HEMK2: variants seen among roughly 807,000 people sequenced by gnomAD.
HEMK2 encodes HemK methyltransferase 2, ETF1 glutamine and histone H4 lysine.
chr21:28,679,491 C>T, the HEMK2 span, among the ~76,000 whole-genome samples: 3 of 152,106 alleles, frequency 2.0e-5, no homozygotes, highest in African/African-American at 4.8e-5. Context: ...GACAGATCAA[C>T]GAGACAGACA....
the HEMK2 span, among the ~76,000 whole-genome samples, chr21:28,840,154 C>G: frequency 2.0e-5 from 3 of 152,186 alleles, no homozygotes; most frequent in Non-Finnish European, 4.4e-5. Flanking sequence ...GGGATAATTG[C>G]CTAGCCACAT....
the HEMK2 span, among the ~76,000 whole-genome samples, chr21:28,755,042 G>C: frequency 1.3e-5 from 2 of 152,188 alleles, no homozygotes; most frequent in Non-Finnish European, 2.9e-5. Context: ...TGGCCAGGCA[G>C]AGCTGAGGAG....
chr21:28,706,589 C>G, the HEMK2 span, among the ~76,000 whole-genome samples: 1 of 152,170 alleles, frequency 6.6e-6, no homozygotes, highest in African/African-American at 2.4e-5. Context: ...TTTAACTCAT[C>G]TTTTAAAGCA....
the HEMK2 span, among the ~76,000 whole-genome samples, chr21:28,839,000 T>TATATATAC: frequency 5.2e-5 from 3 of 58,000 alleles, no homozygotes; most frequent in East Asian, 5.9e-4. Flanking sequence ...TATATATATA[T>TATATATAC]ACATATATAT....
At chr21:28,630,256 G>T in the HEMK2 span, among the ~76,000 whole-genome samples, 2 of 151,938 alleles carry the variant, frequency 1.3e-5, no homozygotes, top group Non-Finnish European at 2.9e-5. Flanking sequence ...TTAGAATGGC[G>T]ATCATTAAAA....
the HEMK2 span, among the ~76,000 whole-genome samples, chr21:28,623,765 T>C: frequency 6.6e-6 from 1 of 152,154 alleles, no homozygotes; most frequent in Non-Finnish European, 1.5e-5. Flanking sequence ...TTCTCACTCA[T>C]GAGTGGGAGT....
chr21:28,602,894 T>C, the HEMK2 span, among the ~76,000 whole-genome samples: 3 of 152,312 alleles, frequency 2.0e-5, no homozygotes, highest in African/African-American at 7.2e-5. Context: ...CACCCAGTGC[T>C]TCTCCTAGAC....
chr21:28,683,326 A>T, the HEMK2 span, among the ~76,000 whole-genome samples: 1 of 152,190 alleles, frequency 6.6e-6, no homozygotes, highest in African/African-American at 2.4e-5. Context: ...GAAATAGGTC[A>T]AAAAGCAAAA....
chr21:28,797,085 T>G, the HEMK2 span, among the ~76,000 whole-genome samples: 1 of 152,198 alleles, frequency 6.6e-6, no homozygotes, highest in Non-Finnish European at 1.5e-5. Context: ...CCAATAGAGA[T>G]AAGGAATTGG....
chr21:28,655,682 T>C, the HEMK2 span, among the ~76,000 whole-genome samples: 567 of 152,154 alleles, frequency 3.7e-3, 2 homozygotes, highest in African/African-American at 0.013. Flanking sequence ...CTTCATAGGA[T>C]TGTGGTGTGA....
At chr21:28,832,578 A>G in the HEMK2 span, among the ~76,000 whole-genome samples, 1 of 152,210 alleles carries the variant, frequency 6.6e-6, no homozygotes, top group Non-Finnish European at 1.5e-5. Flanking sequence ...AATTGAGAAG[A>G]TTGTTCTGAT....
At chr21:28,787,610 C>T in the HEMK2 span, among the ~76,000 whole-genome samples, 41 of 152,134 alleles carry the variant, frequency 2.7e-4, no homozygotes, top group African/African-American at 9.7e-4. Context: ...TTTAAAAATG[C>T]TCAACGTTAC....
At chr21:28,602,459 T>C in the HEMK2 span, among the ~76,000 whole-genome samples, 1 of 152,204 alleles carries the variant, frequency 6.6e-6, no homozygotes, top group East Asian at 1.9e-4. Context: ...TGCATATTAA[T>C]CCTGGAAGTG....
At chr21:28,844,253 G>T in the HEMK2 span, among the ~76,000 whole-genome samples, 11 of 151,962 alleles carry the variant, frequency 7.2e-5, no homozygotes, top group Non-Finnish European at 1.3e-4. Flanking sequence ...GTGGCTGATG[G>T]TCATTCTTTC....
At chr21:28,733,306 A>G in the HEMK2 span, among the ~76,000 whole-genome samples, 19 of 152,186 alleles carry the variant, frequency 1.2e-4, no homozygotes, top group African/African-American at 4.3e-4. Context: ...ACAAACAAAA[A>G]CATTAAGAAT....
chr21:28,580,256 C>A, the HEMK2 span, among the ~76,000 whole-genome samples: 95 of 152,210 alleles, frequency 6.2e-4, no homozygotes, highest in African/African-American at 2.2e-3. Context: ...AAGAAAGAAC[C>A]TAGAAATGTA....
the HEMK2 span, among the ~76,000 whole-genome samples, chr21:28,795,094 A>G: frequency 4.6e-5 from 7 of 152,366 alleles, no homozygotes; most frequent in East Asian, 3.8e-4. Context: ...CAATATCCCT[A>G]TGAGATCAAA....
chr21:28,622,635 T>G, the HEMK2 span, among the ~76,000 whole-genome samples: 1 of 151,950 alleles, frequency 6.6e-6, no homozygotes, highest in African/African-American at 2.4e-5. Context: ...AACAGATATA[T>G]ATAGAAAATG....
At chr21:28,586,763 G>A in the HEMK2 span, among the ~76,000 whole-genome samples, 1 of 152,156 alleles carries the variant, frequency 6.6e-6, no homozygotes, top group Non-Finnish European at 1.5e-5. Flanking sequence ...CACAGACTCT[G>A]GTAGAGTCCA....
Sources: allele counts gnomAD v4.1 joint callset (sites outside exome capture counted in the v4.1 genomes callset), GRCh38; gene constraint gnomAD v4.1.1; transcripts MANE v1.5; gene names NCBI Gene and HGNC (gene_info 2026-07-23, HGNC 2026-07-21).